CTNNA3: variants seen among roughly 807,000 people sequenced by gnomAD.
CTNNA3 encodes the protein catenin alpha 3, also known as catenin alpha-3.
In CTNNA3, 76 loss-of-function variants were observed where a neutral mutation model predicts 95.7. The ratio of observed to expected loss-of-function variants is 0.79; its 90% CI spans 0.66 to 0.96. The LOEUF (loss-of-function observed/expected upper bound fraction) is 0.96, where lower values mean the gene tolerates loss of function less well. Among genes scored for constraint, CTNNA3 ranks in the 40% least tolerant of loss-of-function variants. The pLI is 0.00. For missense variants in CTNNA3, 1,191 were observed against 1,089.8 expected (o/e 1.09, Z -1.31); for synonymous variants, 431 against 374.4 (o/e 1.15, Z -1.74).
chr10:65,947,699 C>A (rs2077539706), intron 17 of CTNNA3, among the ~76,000 whole-genome samples: 1 of 152,316 alleles, frequency 6.6e-6, no homozygotes, highest in South Asian at 2.1e-4. Flanking sequence ...GAAATTTAAA[C>A]TTTTGTTGTG....
At chr10:66,614,213 T>A (rs1459969761) in intron 10 of CTNNA3, among the ~76,000 whole-genome samples, 1 of 152,016 alleles carries the variant, frequency 6.6e-6, no homozygotes, top group Admixed American at 6.6e-5. Context: ...TACTGGGACT[T>A]TTTATCATTT....
At chr10:67,206,590 G>T (rs1342476376) in intron 6 of CTNNA3, among the ~76,000 whole-genome samples, 1 of 149,706 alleles carries the variant, frequency 6.7e-6, no homozygotes, top group African/African-American at 2.5e-5. Context: ...GAGGGAGGAA[G>T]AAAAACAAAG....
chr10:66,731,730 G>A (rs1432890594), intron 9 of CTNNA3, among the ~76,000 whole-genome samples: 2 of 152,152 alleles, frequency 1.3e-5, no homozygotes, highest in South Asian at 4.1e-4. Flanking sequence ...TATTGCACAT[G>A]CTTTTGCTAT....
chr10:66,326,573 G>T (rs933474485), intron 12 of CTNNA3, among the ~76,000 whole-genome samples: 3 of 151,634 alleles, frequency 2.0e-5, no homozygotes, highest in Non-Finnish European at 2.9e-5. Flanking sequence ...TACAATGAAG[G>T]GTAAAATATA....
In CTNNA3 at chr10:65,982,687, A is replaced by G. The variant is rs1473640571; in HGVS notation, c.2265+6005T>C. 2.7e-5 allele frequency among the ~76,000 whole-genome samples: 4 copies of G among 147,702 alleles called. No individual in the cohort carries two copies. In the East Asian group the frequency reaches 6.0e-4, roughly 22 times the overall value. ...GTGGTATATATGTGTGTGTGTATGT[A>G]TATATATATGTGTGTGTGTGTGTGT... is the stretch of plus-strand genomic sequence containing the variant. On this transcript the variant is annotated intron_variant, in intron 16 of 17. Transcript: ENST00000433211.
chr10:67,345,086 A>G (rs980294538), intron 5 of CTNNA3, among the ~76,000 whole-genome samples: 1 of 151,648 alleles, frequency 6.6e-6, no homozygotes, highest in Admixed American at 6.6e-5. Flanking sequence ...TTCCTTCTTA[A>G]TTTCTTCATT....
At chr10:66,028,327 G>C (rs2079382057) in intron 15 of CTNNA3, among the ~76,000 whole-genome samples, 1 of 152,122 alleles carries the variant, frequency 6.6e-6, no homozygotes, top group South Asian at 2.1e-4. Context: ...ATTCACAATA[G>C]CAGACTTGGA....
chr10:67,347,790 T>TATATG (rs1316632659), intron 5 of CTNNA3, among the ~76,000 whole-genome samples: 1 of 149,152 alleles, frequency 6.7e-6, no homozygotes, highest in Non-Finnish European at 1.5e-5. Flanking sequence ...GAAAAGAATT[T>TATATG]ATATGATGCA....
chr10:66,062,339 T>C (rs995139185), intron 15 of CTNNA3, among the ~76,000 whole-genome samples: 4 of 152,122 alleles, frequency 2.6e-5, no homozygotes, highest in Non-Finnish European at 5.9e-5. Context: ...AAAATCTATA[T>C]GGAGGACTTC....
rs551947996 is a variant in CTNNA3, at chr10:66,493,103, C to A, written c.1531+27514G>T. The stretch of plus-strand genomic sequence containing the variant: ...GTGAGAATATTACTAATTGCTAGAT[C>A]AAATTTACAAGGAATAAGGAGACAG... On this transcript the variant is annotated intron_variant, in intron 11 of 17. Coordinates refer to ENST00000433211, the MANE Select transcript of CTNNA3 (RefSeq NM_013266.4). 5.9e-5 allele frequency among the ~76,000 whole-genome samples: 9 copies of A among 152,186 alleles called. No homozygotes were observed. The East Asian group carries it at 9.7e-4, about 16-fold the overall frequency.
At chr10:67,239,665 T>A (rs755487305) in intron 5 of CTNNA3, among the ~76,000 whole-genome samples, 1 of 152,082 alleles carries the variant, frequency 6.6e-6, no homozygotes, top group African/African-American at 2.4e-5. Context: ...AAGCTTCACA[T>A]AAAATCAAGG....
chr10:67,715,683 G>A (rs1052452331), intron 1 of CTNNA3, among the ~76,000 whole-genome samples: 4 of 152,074 alleles, frequency 2.6e-5, no homozygotes, highest in Non-Finnish European at 5.9e-5. Flanking sequence ...CAAGTGCACT[G>A]GCAGAAGCCT....
intron 7 of CTNNA3, among the ~76,000 whole-genome samples, chr10:66,921,873 G>T (rs887854001): frequency 2.0e-5 from 3 of 152,124 alleles, no homozygotes; most frequent in African/African-American, 7.2e-5. Context: ...TATTCCCAGT[G>T]TCTGGAACAG....
intron 7 of CTNNA3, among the ~76,000 whole-genome samples, chr10:66,921,048 G>A (rs1241801279): frequency 1.3e-5 from 2 of 152,118 alleles, no homozygotes; most frequent in East Asian, 3.9e-4. Context: ...ATCCTGGGTG[G>A]TTTAAACAGT....
chr10:66,624,608 T>C (rs1175222944), intron 9 of CTNNA3, among the ~76,000 whole-genome samples: 1 of 152,124 alleles, frequency 6.6e-6, no homozygotes, highest in Non-Finnish European at 1.5e-5. Flanking sequence ...AAAATGATTA[T>C]GTATGCCCTA....
Position 66,251,265 on chromosome 10 carries a change from G to T in CTNNA3, c.1884+29205C>A, listed in dbSNP as rs142460798. On this transcript the variant is annotated intron_variant, in intron 13 of 17. Coordinates refer to ENST00000433211, the MANE Select transcript of CTNNA3 (RefSeq NM_013266.4). ...TCTTTTCTTACACTGATCAGTCTTT[G>T]TATTCATGAAGCAATACCAAATGAT... Among the ~76,000 whole-genome samples the T allele has an allele frequency of 7.1e-4, 108 of 151,792 alleles. 2 individuals carry two copies. The East Asian group carries it at 0.02, about 28-fold the overall frequency.
At chr10:67,641,451 A>T (rs1839530319) in intron 2 of CTNNA3, among the ~76,000 whole-genome samples, 1 of 152,210 alleles carries the variant, frequency 6.6e-6, no homozygotes, top group South Asian at 2.1e-4. Context: ...CAGTGTGGTG[A>T]TTCCTCAGGG....
intron 7 of CTNNA3, among the ~76,000 whole-genome samples, chr10:66,840,362 TCTCTCTCTCTCACACACA>T (rs1445735676): frequency 6.3e-3 from 620 of 98,408 alleles, no homozygotes; most frequent in Middle Eastern, 0.011. Context: ...TCTCTCTCTC[TCTCTCTCTCTCACACACA>T]CACACACACA....
chr10:66,646,222 C>G (rs2132396568), intron 9 of CTNNA3, among the ~76,000 whole-genome samples: 1 of 152,086 alleles, frequency 6.6e-6, no homozygotes, highest in South Asian at 2.1e-4. Context: ...TAAACTAATA[C>G]AATATGAAAA....
Sources: allele counts gnomAD v4.1 joint callset (sites outside exome capture counted in the v4.1 genomes callset), GRCh38; gene constraint gnomAD v4.1.1; transcripts MANE v1.5; gene names NCBI Gene and HGNC (gene_info 2026-07-23, HGNC 2026-07-21).